The following DLG1 variants were observed in gnomAD, a reference collection of about 807,000 sequenced individuals.
DLG1 encodes the protein discs large MAGUK scaffold protein 1.
In DLG1, 42 loss-of-function variants were observed where a neutral mutation model predicts 123.4. That is an observed-to-expected ratio of 0.34 (90% CI 0.27 to 0.44). DLG1 has a LOEUF of 0.44. Ranked by LOEUF, DLG1 falls within the 20% of genes least tolerant of loss-of-function variation. DLG1 has a pLI of 1.00. For missense variants in DLG1, 942 were observed against 1,082.6 expected, an observed-to-expected ratio of 0.87 and a Z score of 1.82; for synonymous variants, 317 against 356.2, an observed-to-expected ratio of 0.89 and a Z score of 1.24.
At chr3:197,050,575 C>T (rs964606154) in intron 24 of DLG1, among the ~76,000 whole-genome samples, 3 of 152,046 alleles carry the variant, frequency 2.0e-5, no homozygotes, top group Non-Finnish European at 4.4e-5. Context: ...ATAAGCCAGA[C>T]ACAGAAAAGC....
In DLG1 at chr3:197,297,206, T is replaced by C; in HGVS notation, c.-2A>G. The C allele has an allele frequency of 6.2e-7, 1 of 1,614,078 alleles. No individual in the cohort carries two copies. Among genetic ancestry groups the C allele is most frequent in the Non-Finnish European group, 8.5e-7 (1 of 1,180,034 alleles). On this transcript the variant is annotated 5_prime_UTR_variant, in exon 2 of 25. Coordinates refer to ENST00000667157, the MANE Select transcript of DLG1 (RefSeq NM_001366207.1). ...CTCACCTTGCTTCCGGACCGGCATT[T>C]TTCTCCAGAATCAGGAAGAGGGCAC...
rs1249260794 is a variant in DLG1 at position 197,148,744 on chromosome 3, C to T, written c.537+999G>A. Among the ~76,000 whole-genome samples, 3 of 152,066 alleles carry T rather than the reference C, an allele frequency of 2.0e-5. No individual in the cohort carries two copies. In the East Asian group the frequency reaches 5.8e-4, roughly 29 times the overall value. On this transcript the variant is annotated intron_variant, in intron 6 of 24. Transcript: ENST00000667157. ...CTTAGAAGAAAACTTAACTCTAAGT[C>T]TTTGTGATGTTGGATTATGCAATGG...
intron 5 of DLG1, among the ~76,000 whole-genome samples, chr3:197,170,857 T>A (rs565138177): frequency 6.6e-6 from 1 of 152,204 alleles, no homozygotes. Context: ...GGTTGTCTTA[T>A]AGCTTTGGGT....
chr3:197,207,635 C>T (rs1729274860), intron 4 of DLG1, among the ~76,000 whole-genome samples: 1 of 151,756 alleles, frequency 6.6e-6, no homozygotes, highest in African/African-American at 2.4e-5. Context: ...ATTATAAAAC[C>T]TTGATTAATA....
rs150101827 is a variant in DLG1 at position 197,254,340 on chromosome 3, C to T, written c.318+28339G>A. Among the ~76,000 whole-genome samples, 1,463 of 152,316 alleles carry T rather than the reference C, an allele frequency of 9.6e-3. 18 individuals carry two copies. Among genetic ancestry groups the T allele is most frequent in the African/African-American group, 0.023 (946 of 41,564 alleles). ...AATGAAAGACACAAAACTCATCTCC[C>T]ACCCTCATGACAGCTGAAAACAGAA... is the stretch of plus-strand genomic sequence containing the variant. On this transcript the variant is annotated intron_variant, in intron 4 of 24. Coordinates refer to ENST00000667157, the MANE Select transcript of DLG1 (RefSeq NM_001366207.1).
At chr3:197,183,482 A>G (rs1333879837) in intron 5 of DLG1, 6 of 1,163,156 alleles carry the variant, frequency 5.2e-6, no homozygotes, top group African/African-American at 1.6e-5. Context: ...TTTCAAGGCT[A>G]TTCTTTAAAT....
In DLG1 at chr3:197,151,003, G is replaced by A. The variant is rs535122626; in HGVS notation, c.484-1207C>T. ...ATAATAGTCTACCTTTGAATAATTC[G>A]GTGAAAGTCCACTCAACAAATAAAA... On this transcript the variant is annotated intron_variant, in intron 5 of 24. Transcript: ENST00000667157. 1.3e-4 allele frequency among the ~76,000 whole-genome samples: 20 copies of A among 151,954 alleles called. No individual in the cohort carries two copies. In the East Asian group the frequency reaches 3.7e-3, roughly 28 times the overall value.
intron 4 of DLG1, among the ~76,000 whole-genome samples, chr3:197,195,809 T>G (rs1012999837): frequency 1.1e-4 from 13 of 116,500 alleles, no homozygotes; most frequent in African/African-American, 3.6e-4. Context: ...GGATCATTCC[T>G]ACGCCAAGCC....
intron 5 of DLG1, among the ~76,000 whole-genome samples, chr3:197,173,370 A>G (rs1451801297): frequency 6.6e-6 from 1 of 152,150 alleles, no homozygotes; most frequent in African/African-American, 2.4e-5. Context: ...GTCTCATTTA[A>G]TTCTCATTAA....
At chr3:197,275,179 C>CT (rs1765811598) in intron 4 of DLG1, among the ~76,000 whole-genome samples, 1 of 120,658 alleles carries the variant, frequency 8.3e-6, no homozygotes, top group Non-Finnish European at 1.8e-5. Context: ...GAGCAAGACT[C>CT]TGTCTCAAAA....
intron 5 of DLG1, among the ~76,000 whole-genome samples, chr3:197,191,363 T>C (rs1719434578): frequency 6.6e-6 from 1 of 152,214 alleles, no homozygotes; most frequent in Non-Finnish European, 1.5e-5. Context: ...ATGAGCATTT[T>C]AGGCAACAAC....
At chr3:197,100,122 T>G (rs1293037038) in intron 14 of DLG1, among the ~76,000 whole-genome samples, 1 of 152,146 alleles carries the variant, frequency 6.6e-6, no homozygotes, top group East Asian at 1.9e-4. Flanking sequence ...AGCAGGAGAC[T>G]GAAAAAAATT....
chr3:197,285,388 T>C (rs186337907), intron 3 of DLG1, among the ~76,000 whole-genome samples: 4 of 151,598 alleles, frequency 2.6e-5, no homozygotes, highest in African/African-American at 9.7e-5. Flanking sequence ...GGCCCAAGAG[T>C]ATGTAATAAT....
At position 197,181,382 on chromosome 3, in the gene DLG1, C is replaced by T. The variant is rs890507253; in HGVS notation, c.483+13043G>A. On this transcript the variant is annotated intron_variant, in intron 5 of 24. Coordinates refer to ENST00000667157, the MANE Select transcript of DLG1 (RefSeq NM_001366207.1). ...AGAGACCTCTGTTATTTACCAATCG[C>T]AGTACAAAACACTATGACCTTATTA... is the stretch of plus-strand genomic sequence containing the variant. Among the ~76,000 whole-genome samples, 3 of 152,110 alleles carry T rather than the reference C, an allele frequency of 2.0e-5. No individual in the cohort carries two copies. The South Asian group carries it at 6.2e-4, about 31-fold the overall frequency.
At chr3:197,275,142 C>T (rs1358451541) in intron 4 of DLG1, among the ~76,000 whole-genome samples, 1 of 150,394 alleles carries the variant, frequency 6.6e-6, no homozygotes, top group African/African-American at 2.4e-5. Context: ...GCAAAGATCA[C>T]GCCACTGCAC....
chr3:197,220,863 A>C (rs778810065), intron 4 of DLG1, among the ~76,000 whole-genome samples: 29 of 152,220 alleles, frequency 1.9e-4, no homozygotes, highest in Admixed American at 5.9e-4. Flanking sequence ...GAGAAAGTAC[A>C]TTTCATCTTA....
chr3:197,155,561 A>G (rs1352242532), intron 5 of DLG1, among the ~76,000 whole-genome samples: 1 of 152,192 alleles, frequency 6.6e-6, no homozygotes, highest in African/African-American at 2.4e-5. Context: ...TATTGTAACA[A>G]TGGTTATGTA....
chr3:197,274,514 A>G lies in DLG1; in HGVS notation c.318+8165T>C, dbSNP rs113291363. 9.9e-3 allele frequency among the ~76,000 whole-genome samples: 1,495 copies of G among 151,594 alleles called. 23 individuals are homozygous for G. Among genetic ancestry groups the G allele is most frequent in the African/African-American group, 0.034 (1,391 of 41,418 alleles). ...ATACAATACGACACGACACGACACG[A>G]CACGATACGATACGAAAACATTGGG... On this transcript the variant is annotated intron_variant, in intron 4 of 24. Coordinates refer to ENST00000667157, the MANE Select transcript of DLG1 (RefSeq NM_001366207.1).
rs544452678 is a variant in DLG1, at chr3:197,122,483, G to GTA, written c.1166-2955_1166-2954dup. On this transcript the variant is annotated intron_variant, in intron 11 of 24. Transcript: ENST00000667157. ...CAGACAAGAAAAAAGAAAATGAACAGTATAAAGATAGGAAAGAAGGAAGTA... is the reference window on the plus strand; with the variant it reads ...CAGACAAGAAAAAAGAAAATGAACAGTATATAAAGATAGGAAAGAAGGAAGTA... 9.3e-4 allele frequency among the ~76,000 whole-genome samples: 142 copies of GTA among 152,070 alleles called. 1 individual carries two copies. The highest frequency in any genetic ancestry group is 3.1e-3 in the African/African-American group (128 of 41,494).
Sources: gnomAD v4.1 joint callset for allele counts (sites outside exome capture counted in the v4.1 genomes callset) on GRCh38, gnomAD v4.1.1 for gene constraint, MANE v1.5 for transcripts, NCBI Gene and HGNC (gene_info 2026-07-23, HGNC 2026-07-21) for gene names.